Variants in UBE3A observed in about 807,000 individuals in gnomAD.
UBE3A encodes the protein ubiquitin protein ligase E3A.
In UBE3A, 6 loss-of-function variants were observed where a neutral mutation model predicts 83.4. The ratio of observed to expected loss-of-function variants is 0.07; its 90% CI spans 0.04 to 0.14. The LOEUF (loss-of-function observed/expected upper bound fraction) is 0.14. UBE3A is among the 10% of genes least tolerant of loss of function. The pLI, the probability that UBE3A is intolerant of heterozygous loss-of-function variation, is 1.00. For missense variants in UBE3A, 456 were observed against 1,036.1 expected (o/e 0.44, Z 7.69); for synonymous variants, 337 against 355.4 (o/e 0.95, Z 0.58).
rs1183658240 is a variant in UBE3A, at chr15:25,398,767, TTA to T, written c.62+6692_62+6693del. ...TCTTCAGCGCACTGATTTTATTCTT[TTA>T]TTTATATATATATATATATATATAT... On this transcript the variant is annotated intron_variant, in intron 4 of 12. Coordinates refer to ENST00000648336, the MANE Select transcript of UBE3A (RefSeq NM_130839.5). Among the ~76,000 whole-genome samples the T allele has an allele frequency of 8.0e-4, 54 of 67,132 alleles. 1 individual carries two copies. The highest frequency in any genetic ancestry group is 2.3e-3 in the African/African-American group (45 of 19,852). The allele number at this position is 67,132 out of a possible 152,430, so 44.0% of individuals were successfully genotyped here. A position where few individuals can be genotyped will look rare whatever the true frequency, so the allele number is the denominator to read the frequency against.
At chr15:25,390,336 C>G (rs1360738917) in intron 4 of UBE3A, among the ~76,000 whole-genome samples, 2 of 152,064 alleles carry the variant, frequency 1.3e-5, no homozygotes, top group Admixed American at 1.3e-4. Flanking sequence ...ACACAAAAAC[C>G]TGCACACCGA....
At chr15:25,343,402 G>C (rs1288760135) in intron 11 of UBE3A, among the ~76,000 whole-genome samples, 1 of 151,932 alleles carries the variant, frequency 6.6e-6, no homozygotes, top group Non-Finnish European at 1.5e-5. Flanking sequence ...TACAAATTCA[G>C]AAAGAAATGA....
At chr15:25,378,040 C>T (rs1250334994) in intron 4 of UBE3A, among the ~76,000 whole-genome samples, 1 of 152,058 alleles carries the variant, frequency 6.6e-6, no homozygotes, top group Non-Finnish European at 1.5e-5. Flanking sequence ...AAGGATGCTA[C>T]TTGCATATTA....
intron 4 of UBE3A, among the ~76,000 whole-genome samples, chr15:25,388,861 T>C (rs1029012244): frequency 3.9e-5 from 6 of 152,172 alleles, no homozygotes; most frequent in African/African-American, 1.4e-4. Flanking sequence ...CACAATACCA[T>C]TTTACATTAG....
intron 1 of UBE3A, chr15:25,418,879 G>A (rs934047928): frequency 6.6e-6 from 1 of 152,094 alleles, no homozygotes; most frequent in African/African-American, 2.4e-5. Context: ...ACTATCTACA[G>A]AGGACTGGTT....
At position 25,370,742 on chromosome 15, in the gene UBE3A, G is replaced by C. The variant is rs1460200547; in HGVS notation, c.1432C>G (p.Pro478Ala). Reference sequence around the variant, plus strand: ...TTTGTGACAGCATTCAATATAAAGGGACATGTCATAAAAGAGAATTTGTTC... The same window carrying C: ...TTTGTGACAGCATTCAATATAAAGGCACATGTCATAAAAGAGAATTTGTTC... ...TENKFSFMTC[P>A]FILNAVTKNL... The change falls in exon 6 of 13, where the codon CCC becomes GCC. Residue 478 changes from proline (P) to alanine (A), a missense_variant. Pro to Ala is a conservative substitution (Grantham distance 27). Coordinates refer to ENST00000648336, the MANE Select transcript of UBE3A (RefSeq NM_130839.5). The surrounding 1 kb of genome is among the most constrained non-coding windows in gnomAD (Gnocchi z 4.2). 1 of 1,613,980 alleles carries C rather than the reference G, an allele frequency of 6.2e-7. No individual in the cohort carries two copies. Among genetic ancestry groups the C allele is most frequent in the Non-Finnish European group, 8.5e-7 (1 of 1,179,960 alleles).
At chr15:25,429,966 T>A (rs373640461) in intron 1 of UBE3A, among the ~76,000 whole-genome samples, 1 of 140,006 alleles carries the variant, frequency 7.1e-6, no homozygotes, top group African/African-American at 2.8e-5. Flanking sequence ...GACTGCACCA[T>A]TGCACACCAG....
chr15:25,359,627 ATTTTAAACG>A (rs1304959539), intron 7 of UBE3A, among the ~76,000 whole-genome samples: 1 of 152,106 alleles, frequency 6.6e-6, no homozygotes, highest in Non-Finnish European at 1.5e-5. Flanking sequence ...CATGTACTCA[ATTTTAAACG>A]TAAGCAAGCT....
chr15:25,431,205 T>A (rs1488158522), intron 1 of UBE3A, among the ~76,000 whole-genome samples: 1 of 152,228 alleles, frequency 6.6e-6, no homozygotes, highest in East Asian at 1.9e-4. Context: ...TCCCACTCTG[T>A]TCTTTAAACA....
intron 2 of UBE3A, among the ~76,000 whole-genome samples, chr15:25,409,687 T>C (rs2089511285): frequency 6.6e-6 from 1 of 152,148 alleles, no homozygotes; most frequent in Admixed American, 6.5e-5. Flanking sequence ...GGTTTCAAGA[T>C]TTAAGTATAT....
At chr15:25,355,507 A>AT (rs902039457) in intron 9 of UBE3A, among the ~76,000 whole-genome samples, 2 of 152,180 alleles carry the variant, frequency 1.3e-5, no homozygotes, top group Admixed American at 6.5e-5. Context: ...TCAGAAATGT[A>AT]TTTTTATCAC....
intron 4 of UBE3A, chr15:25,393,927 C>A (rs1011303280): frequency 1.3e-5 from 2 of 152,136 alleles, no homozygotes; most frequent in African/African-American, 2.4e-5. Flanking sequence ...TTTTTCACAC[C>A]TTCTCCCATC....
At position 25,370,348 on chromosome 15, in the gene UBE3A, G is replaced by C. The variant is rs2080114376; in HGVS notation, c.1608+218C>G. On this transcript the variant is annotated intron_variant, in intron 6 of 12. Transcript: ENST00000648336. The surrounding 1 kb of genome is among the most constrained non-coding windows in gnomAD (Gnocchi z 4.2). The stretch of plus-strand genomic sequence containing the variant: ...TTTAGAAAACCCATTCTTTTTCAAA[G>C]ATAGCATGACCATTATATAATACAA... Among the ~76,000 whole-genome samples, 1 of 152,128 alleles carries C rather than the reference G, an allele frequency of 6.6e-6. No homozygotes were observed. Among genetic ancestry groups the C allele is most frequent in the Non-Finnish European group, 1.5e-5 (1 of 68,016 alleles).
intron 11 of UBE3A, among the ~76,000 whole-genome samples, chr15:25,342,649 A>AC (rs1301220005): frequency 2.6e-4 from 40 of 152,122 alleles, no homozygotes. Context: ...ATAAAAAAAA[A>AC]ACCTATGACT....
chr15:25,368,068 A>G (rs527485902), intron 6 of UBE3A, among the ~76,000 whole-genome samples: 41 of 152,194 alleles, frequency 2.7e-4, no homozygotes, highest in African/African-American at 9.9e-4. Flanking sequence ...CTGCTATACA[A>G]TTCCAAAATT....
rs1008196019 is a variant in UBE3A, at chr15:25,333,794, A to T, written c.*5343T>A. On this transcript the variant is annotated 3_prime_UTR_variant, in exon 13 of 13. Transcript: ENST00000648336. Reference sequence around the variant, plus strand: ...AGATTATCCCAGGAATGCAAAGTTAATTCAATATACAAAAGTCCATTAATA... The same window carrying T: ...AGATTATCCCAGGAATGCAAAGTTATTTCAATATACAAAAGTCCATTAATA... 1.3e-5 allele frequency: 2 copies of T among 149,402 alleles called. No individual in the cohort carries two copies. The highest frequency in any genetic ancestry group is 6.6e-5 in the Admixed American group (1 of 15,082). 9.3% of individuals were successfully genotyped at this position (149,402 alleles called of 1,614,324 possible).
At chr15:25,430,391 G>C (rs1370027590) in intron 1 of UBE3A, among the ~76,000 whole-genome samples, 1 of 144,400 alleles carries the variant, frequency 6.9e-6, no homozygotes, top group East Asian at 2.0e-4. Flanking sequence ...CAAATACTAG[G>C]TTATCTGAAA....
chr15:25,384,124 G>T (rs920727154), intron 4 of UBE3A, among the ~76,000 whole-genome samples: 10 of 151,964 alleles, frequency 6.6e-5, no homozygotes, highest in Non-Finnish European at 1.3e-4. Context: ...AATACTTAGG[G>T]AATATTTTCA....
intron 4 of UBE3A, among the ~76,000 whole-genome samples, chr15:25,376,803 C>CT (rs1248091055): frequency 8.7e-6 from 1 of 114,336 alleles, no homozygotes; most frequent in Non-Finnish European, 1.8e-5. Context: ...TCCTTTTACT[C>CT]TGTCAACTTA....
Sources: gnomAD v4.1 joint callset for allele counts (sites outside exome capture counted in the v4.1 genomes callset) on GRCh38, gnomAD v4.1.1 for gene constraint, Gnocchi (gnomAD v3.1) non-coding constraint, MANE v1.5 for transcripts, NCBI Gene and HGNC (gene_info 2026-07-23, HGNC 2026-07-21) for gene names.